FADS1: variants seen among roughly 807,000 people sequenced by gnomAD.
FADS1 encodes the protein acyl-CoA (8-3)-desaturase.
In FADS1, 17 loss-of-function variants were observed where a neutral mutation model predicts 61.6. That is an observed-to-expected ratio of 0.28 (90% CI 0.19 to 0.41). FADS1 has a LOEUF of 0.41. FADS1 is among the 10% of genes least tolerant of loss of function. FADS1 has a pLI of 1.00. For synonymous variants in FADS1, 238 were observed against 258.7 expected (o/e 0.92, Z 0.77); for missense variants, 387 against 650.9 (o/e 0.59, Z 4.41).
At chr11:61,811,781 G>A (rs774622044) in intron 3 of FADS1, 9 of 376,690 alleles carry the variant, frequency 2.4e-5, no homozygotes, top group South Asian at 1.3e-4. Context: ...TAGAGACGGG[G>A]TTTCACCATG....
chr11:61,816,231 C>T lies in FADS1; in HGVS notation c.375+324G>A, dbSNP rs2066981264. ...CTTGCTCTCCTCCCTCCTAGCCTAC[C>T]CAGCTCGGGGTTCTGTCCCCGCCCA... is the stretch of plus-strand genomic sequence containing the variant. On this transcript the variant is annotated intron_variant, in intron 1 of 11. Coordinates refer to ENST00000350997, the MANE Select transcript of FADS1 (RefSeq NM_013402.7). This position sits in a 1 kb window ranked among gnomAD's most constrained non-coding sequence, Gnocchi z 7.0. 1.9e-6 allele frequency: 3 copies of T among 1,593,370 alleles called. No individual in the cohort carries two copies. The highest frequency in any genetic ancestry group is 2.2e-5 in the East Asian group (1 of 44,866).
In FADS1 at chr11:61,810,748, C is replaced by A. The variant is rs780543580; in HGVS notation, c.915+3G>T. On this transcript the variant is annotated splice_donor_region_variant and intron_variant, in intron 5 of 11. Coordinates refer to ENST00000350997, the MANE Select transcript of FADS1 (RefSeq NM_013402.7). ...AGACCTTTCCACTGATACCTCCACG[C>A]ACCTCCACAGAGAGGATCTTCCCCA... is the stretch of plus-strand genomic sequence containing the variant. 6.2e-7 allele frequency: 1 copy of A among 1,614,138 alleles called. No homozygotes were observed. Among genetic ancestry groups the A allele is most frequent in the South Asian group, 1.1e-5 (1 of 91,080 alleles).
intron 2 of FADS1, 61 bp from the exon 3 acceptor site, chr11:61,812,729 A>G: frequency 6.7e-7 from 1 of 1,496,416 alleles, no homozygotes; most frequent in South Asian, 1.2e-5. Context: ...TACTGGAGAC[A>G]AGGGCCCTCT....
At chr11:61,813,213 A>G (rs779891426) in intron 2 of FADS1, 30 bp downstream of exon 2, 3 of 1,303,662 alleles carry the variant, frequency 2.3e-6, no homozygotes, top group East Asian at 4.6e-5. Context: ...AACAACCAAT[A>G]GTTGCGACAT....
rs1183267488 is a variant in FADS1, at chr11:61,802,982, C to T, written c.1328+50G>A. ...CTGCTTCTCTGCTCCCACCTGTACC[C>T]AACACTTACACCCTCCCCAGGACCC... is the stretch of plus-strand genomic sequence containing the variant. On this transcript the variant is annotated intron_variant, in intron 10 of 11. Transcript: ENST00000350997. This position sits in a 1 kb window ranked among gnomAD's most constrained non-coding sequence, Gnocchi z 4.2. 6.2e-7 allele frequency: 1 copy of T among 1,613,872 alleles called. No homozygotes were observed. Among genetic ancestry groups the T allele is most frequent in the South Asian group, 1.1e-5 (1 of 91,040 alleles).
In FADS1 at chr11:61,810,671, C is replaced by T. The variant is rs1375315500; in HGVS notation, c.915+80G>A. 3.9e-6 allele frequency: 6 copies of T among 1,549,036 alleles called. No homozygotes were observed. The African/African-American group carries it at 6.8e-5, about 18-fold the overall frequency. On this transcript the variant is annotated intron_variant, in intron 5 of 11. Transcript: ENST00000350997. ...CCCAGTGTCTTGCCCACACTGACAA[C>T]ATCGTGGGCATCTTCCCCAACTCCC...
chr11:61,808,604 G>A (rs1431237437), intron 5 of FADS1, among the ~76,000 whole-genome samples: 2 of 152,172 alleles, frequency 1.3e-5, no homozygotes, highest in Non-Finnish European at 2.9e-5. Flanking sequence ...CAAGTTATAG[G>A]GATCATAAAG....
chr11:61,813,323 C>T lies in FADS1; in HGVS notation c.406G>A (p.Gly136Ser). 3 of 1,612,444 alleles carry T rather than the reference C, an allele frequency of 1.9e-6. No individual in the cohort carries two copies. The highest frequency in any genetic ancestry group is 2.5e-6 in the Non-Finnish European group (3 of 1,178,910). Residue 136 changes from glycine to serine, a missense_variant, in exon 2 of 12, where the codon GGC (glycine) becomes AGC (serine). Physicochemically the swap from Gly to Ser is moderately conservative, Grantham distance 56. Transcript: ENST00000350997. ...GAGTTCATATACTTCTTCACAAGGC[C>T]CTTGTTGATGTGGAAGGCCACAAAG... ...DPFVAFHINK[G>S]LVKKYMNSLL...
chr11:61,816,894 G>A lies in FADS1; in HGVS notation c.36C>T (p.Pro12=). Residue 12 remains proline, a synonymous_variant, in exon 1 of 12, where the codon CCC becomes CCT. Coordinates refer to ENST00000350997, the MANE Select transcript of FADS1 (RefSeq NM_013402.7). The surrounding 1 kb of genome is among the most constrained non-coding windows in gnomAD (Gnocchi z 7.0). ...TGCGCGCCGGGTTTTCAGCACCGCA[G>A]GGCAGACCGGCGGGCCTCGCAGCGC... The part of the protein sequence containing the change: ...GTRAARPAGL[P]CGAENPARRR... The A allele has an allele frequency of 7.0e-7, 1 of 1,433,242 alleles. No individual in the cohort carries two copies. The highest frequency in any genetic ancestry group is 9.0e-7 in the Non-Finnish European group (1 of 1,105,890). The allele number at this position is 1,433,242 out of a possible 1,614,324, so 88.8% of individuals were successfully genotyped here. A position where few individuals can be genotyped will look rare whatever the true frequency, so the allele number is the denominator to read the frequency against.
rs1403644751 is a variant in FADS1, at chr11:61,803,095, T to C, written c.1265A>G (p.Asn422Ser). 1.2e-6 allele frequency: 2 copies of C among 1,614,016 alleles called. No individual in the cohort carries two copies. Among genetic ancestry groups the C allele is most frequent in the Non-Finnish European group, 1.7e-6 (2 of 1,180,020 alleles). ...GTCATTGAAGGCAGACTTGTGGACA[T>C]TGCATGTGGCCTGGAGCTGGCGGAA... ...WVSTQLQATC[N>S]VHKSAFNDWF... Residue 422 changes from asparagine (N) to serine (S), a missense_variant, in exon 10 of 12, where the codon AAT becomes AGT. Asn to Ser is a conservative substitution (Grantham distance 46). Coordinates refer to ENST00000350997, the MANE Select transcript of FADS1 (RefSeq NM_013402.7). This position sits in a 1 kb window ranked among gnomAD's most constrained non-coding sequence, Gnocchi z 4.3.
At chr11:61,806,963 G>T (rs1470863600) in intron 5 of FADS1, among the ~76,000 whole-genome samples, 1 of 152,242 alleles carries the variant, frequency 6.6e-6, no homozygotes. Flanking sequence ...TCACATGAGG[G>T]ATGTGCACAG....
chr11:61,810,733 A>C lies in FADS1; in HGVS notation c.915+18T>G. 1 of 1,613,798 alleles carries C rather than the reference A, an allele frequency of 6.2e-7. No individual in the cohort carries two copies. Among genetic ancestry groups the C allele is most frequent in the Non-Finnish European group, 8.5e-7 (1 of 1,179,894 alleles). ...GCCTCCTATTCCCCAAGACCTTTCC[A>C]CTGATACCTCCACGCACCTCCACAG... On this transcript the variant is annotated intron_variant, in intron 5 of 11. Transcript: ENST00000350997.
At position 61,816,538 on chromosome 11, in the gene FADS1, C is replaced by G. The variant is rs756777034; in HGVS notation, c.375+17G>C. 1 of 1,597,802 alleles carries G rather than the reference C, an allele frequency of 6.3e-7. No individual in the cohort carries two copies. Among genetic ancestry groups the G allele is most frequent in the Non-Finnish European group, 8.5e-7 (1 of 1,173,604 alleles). Reference sequence around the variant, plus strand: ...CCGGTCCCGCCCTCTCCTGTGCCCCCGCCTGGCTGCGCTCACCGTGGCATC... The same window carrying G: ...CCGGTCCCGCCCTCTCCTGTGCCCCGGCCTGGCTGCGCTCACCGTGGCATC... On this transcript the variant is annotated intron_variant, in intron 1 of 11. Coordinates refer to ENST00000350997, the MANE Select transcript of FADS1 (RefSeq NM_013402.7). This position sits in a 1 kb window ranked among gnomAD's most constrained non-coding sequence, Gnocchi z 7.0.
At chr11:61,804,857 G>T (rs2066882644) in intron 6 of FADS1, 96 bp from the exon 7 acceptor site, 1 of 1,037,348 alleles carries the variant, frequency 9.6e-7, no homozygotes, top group Non-Finnish European at 1.5e-6. Flanking sequence ...GCAGGGGGCT[G>T]CCTCTTCCAA....
intron 1 of FADS1, 89 bp from the exon 2 acceptor site, chr11:61,813,442 C>G: frequency 1.3e-6 from 1 of 753,966 alleles, no homozygotes; most frequent in Non-Finnish European, 2.3e-6. Flanking sequence ...TCCTGCCCGC[C>G]AGAAGGCTGT....
chr11:61,803,689 C>A lies in FADS1; in HGVS notation c.1132G>T (p.Gly378Cys), dbSNP rs755826141. The A allele has an allele frequency of 3.1e-6, 5 of 1,613,632 alleles. No individual in the cohort carries two copies. The African/African-American group carries it at 6.7e-5, about 22-fold the overall frequency. Reference protein sequence around the residue: ...VPLLGLKAFLGLFFIVRFLES... With the variant: ...VPLLGLKAFLCLFFIVRFLES... ...TACTACCTGACTATGAAGAAAAGGC[C>A]CAGGAAGGCTTTCAGCCCCAATAGT... The change falls in exon 8 of 12, where the codon GGC (glycine) becomes TGC (cysteine). Residue 378 changes from glycine to cysteine, a missense_variant. By Grantham distance (159) the Gly-to-Cys change is radical. Around this residue, in one of 2 missense-constraint regions of FADS1, gnomAD observed 257 missense variants for 533.3 expected, o/e 0.48. Coordinates refer to ENST00000350997, the MANE Select transcript of FADS1 (RefSeq NM_013402.7). The surrounding 1 kb of genome is among the most constrained non-coding windows in gnomAD (Gnocchi z 4.3).
intron 1 of FADS1, among the ~76,000 whole-genome samples, chr11:61,813,912 T>C (rs1271039790): frequency 7.2e-6 from 1 of 139,604 alleles, no homozygotes; most frequent in Non-Finnish European, 1.5e-5. Flanking sequence ...GAGCCTGCAG[T>C]GAGCCGAGAT....
At position 61,806,657 on chromosome 11, in the gene FADS1, C is replaced by T; in HGVS notation, c.976+7G>A. 1 of 1,613,088 alleles carries T rather than the reference C, an allele frequency of 6.2e-7. No individual in the cohort carries two copies. Among genetic ancestry groups the T allele is most frequent in the Non-Finnish European group, 8.5e-7 (1 of 1,179,044 alleles). On this transcript the variant is annotated splice_region_variant and intron_variant, in intron 6 of 11. Transcript: ENST00000350997. Reference sequence around the variant, plus strand: ...GCAGCTCCCCTGTGTTGGATGGGGACACTCACTTAGGAAGAAGTATTTGTG... The same window carrying T: ...GCAGCTCCCCTGTGTTGGATGGGGATACTCACTTAGGAAGAAGTATTTGTG...
At chr11:61,807,628 G>A (rs1197480477) in intron 5 of FADS1, among the ~76,000 whole-genome samples, 5 of 152,162 alleles carry the variant, frequency 3.3e-5, no homozygotes, top group Non-Finnish European at 2.9e-5. Context: ...TTTATAAGCC[G>A]AGCTGCTGAA....
Sources: allele counts gnomAD v4.1 joint callset (sites outside exome capture counted in the v4.1 genomes callset), GRCh38; gene constraint gnomAD v4.1.1; regional missense constraint gnomAD v4.1.1; non-coding constraint Gnocchi (gnomAD v3.1); transcripts MANE v1.5; gene names NCBI Gene and HGNC (gene_info 2026-07-23, HGNC 2026-07-21).